The following CNTNAP2 variants were observed in gnomAD, a reference collection of about 807,000 sequenced individuals.
CNTNAP2 encodes the protein contactin-associated protein-like 2.
A neutral mutation model predicts 155.2 loss-of-function variants in CNTNAP2; 98 were observed. The ratio of observed to expected loss-of-function variants is 0.63; its 90% CI spans 0.54 to 0.75. The LOEUF is 0.75. Among genes scored for constraint, CNTNAP2 ranks in the 30% least tolerant of loss-of-function variants. CNTNAP2 has a pLI of 0.00. For synonymous variants in CNTNAP2, 651 were observed against 631.2 expected, an observed-to-expected ratio of 1.03 and a Z score of -0.47; for missense variants, 1,727 against 1,688.1, an observed-to-expected ratio of 1.02 and a Z score of -0.40.
At chr7:147,921,465 C>T (rs944002419) in intron 14 of CNTNAP2, among the ~76,000 whole-genome samples, 4 of 152,218 alleles carry the variant, frequency 2.6e-5, no homozygotes, top group Middle Eastern at 3.2e-3. Context: ...GAAGCTATCT[C>T]ATTTCCTAGG....
chr7:147,997,050 C>T (rs370781416), intron 15 of CNTNAP2, among the ~76,000 whole-genome samples: 1 of 152,156 alleles, frequency 6.6e-6, no homozygotes, highest in Non-Finnish European at 1.5e-5. Flanking sequence ...CTGGAAGGCA[C>T]GATCCATAAG....
At chr7:148,382,760 A>G (rs1025262760) in intron 21 of CNTNAP2, among the ~76,000 whole-genome samples, 1 of 152,200 alleles carries the variant, frequency 6.6e-6, no homozygotes, top group Non-Finnish European at 1.5e-5. Context: ...TCTTTCTCAC[A>G]CAGTTCCCAG....
chr7:146,882,341 G>A (rs555451161), intron 3 of CNTNAP2, among the ~76,000 whole-genome samples: 32 of 152,062 alleles, frequency 2.1e-4, no homozygotes, highest in Middle Eastern at 6.8e-3. Flanking sequence ...ATAAGGTTTG[G>A]CTGTGTCCCC....
chr7:147,155,656 A>G (rs573722983), intron 8 of CNTNAP2, among the ~76,000 whole-genome samples: 1 of 152,300 alleles, frequency 6.6e-6, no homozygotes, highest in Admixed American at 6.5e-5. Flanking sequence ...TAAGCATAAT[A>G]TATGACATGT....
intron 9 of CNTNAP2, among the ~76,000 whole-genome samples, chr7:147,307,700 G>T (rs1357833902): frequency 1.3e-5 from 2 of 152,088 alleles, no homozygotes; most frequent in Non-Finnish European, 2.9e-5. Flanking sequence ...CTCTACACTG[G>T]CTGAAATAGT....
intron 13 of CNTNAP2, among the ~76,000 whole-genome samples, chr7:147,694,021 T>A (rs2116995657): frequency 6.6e-6 from 1 of 152,170 alleles, no homozygotes; most frequent in African/African-American, 2.4e-5. Flanking sequence ...CCTTTATTAC[T>A]ACTTTATTGA....
At chr7:148,138,091 A>G (rs906105444) in intron 16 of CNTNAP2, among the ~76,000 whole-genome samples, 11 of 152,222 alleles carry the variant, frequency 7.2e-5, no homozygotes, top group African/African-American at 2.7e-4. Context: ...AAGTCAGTCC[A>G]CAGAAACCAG....
At chr7:146,797,724 T>A (rs1281583039) in intron 2 of CNTNAP2, among the ~76,000 whole-genome samples, 1 of 152,154 alleles carries the variant, frequency 6.6e-6, no homozygotes. Flanking sequence ...ATCTCACTGA[T>A]TTACAAAAAG....
At chr7:146,818,060 G>C (rs1403880290) in intron 2 of CNTNAP2, among the ~76,000 whole-genome samples, 2 of 151,814 alleles carry the variant, frequency 1.3e-5, no homozygotes, top group Non-Finnish European at 2.9e-5. Flanking sequence ...TGTGGTTAAG[G>C]GTTTCTGTAC....
chr7:147,206,477 C>G (rs1295824688), intron 8 of CNTNAP2, among the ~76,000 whole-genome samples: 1 of 152,036 alleles, frequency 6.6e-6, no homozygotes, highest in Non-Finnish European at 1.5e-5. Flanking sequence ...GCACGAGAAT[C>G]ACTTGAACCT....
At position 147,984,230 on chromosome 7, in the gene CNTNAP2, G is replaced by A. The variant is rs191393530; in HGVS notation, c.2383+6241G>A. ...GTGGGTTTTAGCCGGCTTCTTTACT[G>A]CAACCTGTTTTATCAGCAAGGTCTT... is the stretch of plus-strand genomic sequence containing the variant. On this transcript the variant is annotated intron_variant, in intron 15 of 23. Coordinates refer to ENST00000361727, the MANE Select transcript of CNTNAP2 (RefSeq NM_014141.6). 2.7e-3 allele frequency among the ~76,000 whole-genome samples: 413 copies of A among 152,204 alleles called. 3 individuals carry two copies. Among genetic ancestry groups the A allele is most frequent in the African/African-American group, 9.6e-3 (397 of 41,518 alleles).
intron 1 of CNTNAP2, among the ~76,000 whole-genome samples, chr7:146,293,097 G>T (rs894755474): frequency 6.6e-6 from 1 of 151,970 alleles, no homozygotes; most frequent in Non-Finnish European, 1.5e-5. Context: ...ACACCAGTTT[G>T]TGTCACATAA....
chr7:147,527,326 A>G (rs532201343), intron 11 of CNTNAP2, among the ~76,000 whole-genome samples: 30 of 152,022 alleles, frequency 2.0e-4, no homozygotes, highest in African/African-American at 6.8e-4. Flanking sequence ...CCCGGCCAAG[A>G]CAGGTATTTC....
At chr7:147,692,524 G>T (rs1796102571) in intron 13 of CNTNAP2, among the ~76,000 whole-genome samples, 2 of 152,064 alleles carry the variant, frequency 1.3e-5, no homozygotes, top group East Asian at 3.8e-4. Flanking sequence ...ATTTCGTGTT[G>T]TCAGTGTTGC....
intron 1 of CNTNAP2, among the ~76,000 whole-genome samples, chr7:146,315,088 C>A (rs144249164): frequency 1.3e-5 from 2 of 152,108 alleles, no homozygotes; most frequent in Non-Finnish European, 2.9e-5. Flanking sequence ...TTGGCTTTTT[C>A]TTTATTGCTT....
At chr7:146,514,094 G>A (rs987052339) in intron 1 of CNTNAP2, among the ~76,000 whole-genome samples, 2 of 151,768 alleles carry the variant, frequency 1.3e-5, no homozygotes, top group East Asian at 3.9e-4. Flanking sequence ...TGAGAAATCT[G>A]TTTTCAGATT....
intron 13 of CNTNAP2, among the ~76,000 whole-genome samples, chr7:147,814,780 T>C (rs1415714975): frequency 3.3e-5 from 5 of 152,156 alleles, no homozygotes; most frequent in Non-Finnish European, 7.4e-5. Context: ...GTTCATCCTA[T>C]AAATGATCTA....
intron 10 of CNTNAP2, among the ~76,000 whole-genome samples, chr7:147,404,612 CA>C (rs1796973076): frequency 6.6e-6 from 1 of 152,144 alleles, no homozygotes; most frequent in Non-Finnish European, 1.5e-5. Context: ...CTGACTTATT[CA>C]TAATATTAGA....
chr7:147,068,360 T>C (rs1387777973), intron 4 of CNTNAP2, among the ~76,000 whole-genome samples: 1 of 151,634 alleles, frequency 6.6e-6, no homozygotes, highest in African/African-American at 2.4e-5. Context: ...TATTTATTTG[T>C]TTGTTTGTTT....
Sources: allele counts gnomAD v4.1 joint callset (sites outside exome capture counted in the v4.1 genomes callset), GRCh38; gene constraint gnomAD v4.1.1; transcripts MANE v1.5; gene names NCBI Gene and HGNC (gene_info 2026-07-23, HGNC 2026-07-21).